The following AKAP13 variants were observed in gnomAD, a reference collection of about 807,000 sequenced individuals.
AKAP13 encodes the protein A-kinase anchor protein 13.
In AKAP13, 80 loss-of-function variants were observed where a neutral mutation model predicts 264.5. That is an observed-to-expected ratio of 0.30 (90% CI 0.25 to 0.36). The LOEUF (loss-of-function observed/expected upper bound fraction) is 0.36, where lower values mean the gene tolerates loss of function less well. Ranked by LOEUF, AKAP13 falls within the 10% of genes least tolerant of loss-of-function variation. The pLI, the probability that AKAP13 is intolerant of heterozygous loss-of-function variation, is 1.00. For missense variants in AKAP13, 3,712 were observed against 3,435.2 expected (o/e 1.08, Z -2.01); for synonymous variants, 1,380 against 1,250.2 (o/e 1.10, Z -2.19).
At position 85,579,283 on chromosome 15, in the gene AKAP13, T is replaced by C. The variant is rs748784133; in HGVS notation, c.1215T>C (p.Pro405=). 6.2e-7 allele frequency: 1 copy of C among 1,614,242 alleles called. No homozygotes were observed. ...AAGACAGCTGCCTTCAGAGCTTGCC[T>C]GATTGTGGAGTAAAGGGCACGGAAG... ...SDQDSCLQSL[P]DCGVKGTEGL... Residue 405 remains proline (P), a synonymous_variant, in exon 7 of 37, where the codon CCT becomes CCC. Transcript: ENST00000394518.
chr15:85,744,139 T>A (rs936326360), intron 36 of AKAP13: 1 of 364,206 alleles, frequency 2.7e-6, no homozygotes, highest in Non-Finnish European at 5.0e-6. Flanking sequence ...CCTAGAGTAG[T>A]CATTGGTAAC....
Position 85,741,055 on chromosome 15 carries a change from C to G in AKAP13, c.7618C>G (p.Leu2540Val), listed in dbSNP as rs770282033. ...ELLSALQGVV[L>V]QQDSYIEDQK... is the part of the protein sequence containing the mutation. Reference sequence around the variant, plus strand: ...TCTGTGTGCCTCCCAGGGTGTGGTGCTGCAGCAGGACAGCTACATTGAGGA... The same window carrying G: ...TCTGTGTGCCTCCCAGGGTGTGGTGGTGCAGCAGGACAGCTACATTGAGGA... Residue 2540 changes from leucine to valine, a missense_variant, in exon 35 of 37, where the codon CTG becomes GTG. Physicochemically the swap from Leu to Val is conservative, Grantham distance 32 (BLOSUM62 1). This residue lies in a region of AKAP13 where 611 missense variants were observed against 539.3 expected (regional missense o/e 1.13). Coordinates refer to ENST00000394518, the MANE Select transcript of AKAP13 (RefSeq NM_007200.5). 5 of 1,607,566 alleles carry G rather than the reference C, an allele frequency of 3.1e-6. No individual in the cohort carries two copies. In the East Asian group the frequency reaches 8.9e-5, roughly 29 times the overall value.
chr15:85,663,751 A>G (rs557816094), intron 12 of AKAP13, among the ~76,000 whole-genome samples: 20 of 152,354 alleles, frequency 1.3e-4, no homozygotes, highest in Admixed American at 7.2e-4. Context: ...TTAAATCGCT[A>G]ACCTGTCTCT....
chr15:85,691,826 G>A (rs1444815233), intron 16 of AKAP13: 1 of 487,878 alleles, frequency 2.0e-6, no homozygotes, highest in South Asian at 1.5e-5. Flanking sequence ...TGACAAGTGA[G>A]GGAAGACCAC....
intron 8 of AKAP13, among the ~76,000 whole-genome samples, chr15:85,613,713 T>TATATATATATATATGTATGTA: frequency 9.0e-6 from 1 of 111,030 alleles, no homozygotes; most frequent in Middle Eastern, 4.4e-3. Context: ...TATATATATA[T>TATATATATATATATGTATGTA]TAGGAGTGCT....
chr15:85,650,386 G>A (rs778007412), intron 10 of AKAP13, among the ~76,000 whole-genome samples: 3 of 152,098 alleles, frequency 2.0e-5, no homozygotes, highest in Non-Finnish European at 4.4e-5. Context: ...AGCTGTGATT[G>A]TGCAACTGCA....
At chr15:85,735,671 T>C (rs1329762973) in intron 32 of AKAP13, 41 bp downstream of exon 32, 2 of 1,546,184 alleles carry the variant, frequency 1.3e-6, no homozygotes, top group Middle Eastern at 1.7e-4. Context: ...CCTTGGCACT[T>C]TCCTCTGAAT....
At chr15:85,672,349 C>T (rs1383625478) in intron 14 of AKAP13, among the ~76,000 whole-genome samples, 1 of 152,180 alleles carries the variant, frequency 6.6e-6, no homozygotes, top group Non-Finnish European at 1.5e-5. Flanking sequence ...AAAATAGTTT[C>T]CCACCTGTAT....
intron 5 of AKAP13, among the ~76,000 whole-genome samples, chr15:85,553,571 A>G (rs564051428): frequency 1.1e-4 from 17 of 152,318 alleles, no homozygotes; most frequent in East Asian, 9.6e-4. Flanking sequence ...AACAGTTTCT[A>G]TAGTCACTGA....
chr15:85,642,996 G>A (rs1321800277), intron 9 of AKAP13, among the ~76,000 whole-genome samples: 1 of 149,002 alleles, frequency 6.7e-6, no homozygotes, highest in East Asian at 2.0e-4. Context: ...CTCCTCCTAG[G>A]TTACTACATA....
At chr15:85,550,487 G>A (rs1168206402) in intron 5 of AKAP13, among the ~76,000 whole-genome samples, 1 of 152,146 alleles carries the variant, frequency 6.6e-6, no homozygotes, top group East Asian at 1.9e-4. Context: ...TTGAAACCTA[G>A]GTGTAGGGTT....
At chr15:85,721,147 C>T (rs969798444) in intron 23 of AKAP13, among the ~76,000 whole-genome samples, 14 of 152,282 alleles carry the variant, frequency 9.2e-5, no homozygotes, top group African/African-American at 3.1e-4. Context: ...GTGTACAACC[C>T]CTAGTAAGAT....
chr15:85,710,364 C>T (rs1471748955), intron 18 of AKAP13: 7 of 437,222 alleles, frequency 1.6e-5, no homozygotes, highest in Non-Finnish European at 2.9e-5. Context: ...GTGAGAAAAG[C>T]ATTCCAGGCA....
chr15:85,689,060 T>G (rs1003886777), intron 16 of AKAP13, among the ~76,000 whole-genome samples: 5 of 152,364 alleles, frequency 3.3e-5, no homozygotes, highest in Non-Finnish European at 7.3e-5. Context: ...TGCACCAACC[T>G]AATACTAAGC....
In AKAP13 at chr15:85,695,438, A is replaced by G. The variant is rs1050043298; in HGVS notation, c.5464+1987A>G. ...CACACAAAAAAACGTGTATTTGGAC[A>G]GATTGGAAGTTACTTCTGTGATGAT... On this transcript the variant is annotated intron_variant, in intron 17 of 36. Transcript: ENST00000394518. Among the ~76,000 whole-genome samples, 12 of 152,200 alleles carry G rather than the reference A, an allele frequency of 7.9e-5. No homozygotes were observed. In the East Asian group the frequency reaches 2.3e-3, roughly 29 times the overall value.
intron 1 of AKAP13, among the ~76,000 whole-genome samples, chr15:85,408,215 T>C (rs11858860): frequency 0.2 from 30,989 of 151,474 alleles, 4,209 homozygotes; most frequent in African/African-American, 0.33. Context: ...TATTTTAGAG[T>C]CCATTTATTC....
intron 8 of AKAP13, among the ~76,000 whole-genome samples, chr15:85,629,939 C>G (rs1428562462): frequency 2.0e-5 from 3 of 151,642 alleles, no homozygotes; most frequent in Non-Finnish European, 4.4e-5. Context: ...ACAACCATGT[C>G]CAGCTAATTT....
chr15:85,589,658 C>T (rs1246701409), intron 8 of AKAP13, among the ~76,000 whole-genome samples: 8 of 141,922 alleles, frequency 5.6e-5, no homozygotes, highest in East Asian at 4.1e-4. Context: ...TGCAGTGAGC[C>T]GAGATCGCAC....
At chr15:85,722,448 A>G in intron 25 of AKAP13, 101 bp downstream of exon 25, 3 of 1,002,882 alleles carry the variant, frequency 3.0e-6, no homozygotes, top group Non-Finnish European at 4.4e-6. Context: ...ATGCTTTAGT[A>G]TGTCTAAAAG....
Sources: allele counts gnomAD v4.1 joint callset (sites outside exome capture counted in the v4.1 genomes callset), GRCh38; gene constraint gnomAD v4.1.1; regional missense constraint gnomAD v4.1.1; transcripts MANE v1.5; gene names NCBI Gene and HGNC (gene_info 2026-07-23, HGNC 2026-07-21).